Variants in C11orf65 observed in about 807,000 individuals in gnomAD.
The protein encoded by C11orf65 is protein MFI.
A neutral mutation model predicts 35.3 loss-of-function variants in C11orf65; 38 were observed. That is an observed-to-expected ratio of 1.08 (90% CI 0.83 to 1.41). C11orf65 has a LOEUF of 1.41. Ranked by LOEUF, C11orf65 falls within the 40% of genes most tolerant of loss-of-function variation. C11orf65 has a pLI of 0.00. For missense variants in C11orf65, 370 were observed against 367.1 expected, an observed-to-expected ratio of 1.01 and a Z score of -0.06; for synonymous variants, 105 against 114.4, an observed-to-expected ratio of 0.92 and a Z score of 0.53.
intron 2 of C11orf65, among the ~76,000 whole-genome samples, chr11:108,460,454 C>T (rs2093460033): frequency 6.6e-6 from 1 of 152,148 alleles, no homozygotes; most frequent in Non-Finnish European, 1.5e-5. Flanking sequence ...ACGACATTAA[C>T]CCGGATATAG....
chr11:108,429,216 A>G (rs1006226607), intron 3 of C11orf65, among the ~76,000 whole-genome samples: 2 of 152,188 alleles, frequency 1.3e-5, no homozygotes, highest in African/African-American at 4.8e-5. Context: ...ATATTGATAA[A>G]TTGAACTACA....
intron 2 of C11orf65, among the ~76,000 whole-genome samples, chr11:108,457,900 A>G (rs1191092576): frequency 6.6e-6 from 1 of 152,104 alleles, no homozygotes; most frequent in Non-Finnish European, 1.5e-5. Flanking sequence ...ACTTGACTGT[A>G]TCTAGAATCA....
intron 1 of C11orf65, among the ~76,000 whole-genome samples, chr11:108,467,061 G>A (rs1287563109): frequency 6.6e-6 from 1 of 152,174 alleles, no homozygotes; most frequent in African/African-American, 2.4e-5. Flanking sequence ...ACAAATGGGA[G>A]GGGGCAAAGG....
At chr11:108,322,638 C>A (rs1565513758) in intron 6 of C11orf65, among the ~76,000 whole-genome samples, 2 of 152,108 alleles carry the variant, frequency 1.3e-5, no homozygotes, top group East Asian at 1.9e-4. Context: ...GATCTAAATT[C>A]TTTCCTTTTA....
At position 108,442,477 on chromosome 11, in the gene C11orf65, C is replaced by T. The variant is rs559591869; in HGVS notation, c.82-10639G>A. ...TCAAATTCAGGAAATACAGAGAATGCCACAAAGATACTCCTCGAGAAGAGC... is the reference window on the plus strand; with the variant it reads ...TCAAATTCAGGAAATACAGAGAATGTCACAAAGATACTCCTCGAGAAGAGC... On this transcript the variant is annotated intron_variant, in intron 2 of 8. Coordinates refer to ENST00000393084, the MANE Select transcript of C11orf65 (RefSeq NM_152587.5). Among the ~76,000 whole-genome samples the T allele has an allele frequency of 2.0e-5, 3 of 152,104 alleles. 1 individual carries two copies. The highest frequency in any genetic ancestry group is 2.0e-4 in the Admixed American group (3 of 15,252).
rs913977745 is a variant in C11orf65, at chr11:108,347,820, A to G, written c.227-12528T>C. Among the ~76,000 whole-genome samples the G allele has an allele frequency of 2.0e-5, 3 of 152,282 alleles. No homozygotes were observed. In the East Asian group the frequency reaches 5.8e-4, roughly 29 times the overall value. Reference sequence around the variant, plus strand: ...TAAGGAGTTTCAACTTCATTGCATTAAACTATAGGAAATAAATGAAGGACA... The same window carrying G: ...TAAGGAGTTTCAACTTCATTGCATTGAACTATAGGAAATAAATGAAGGACA... On this transcript the variant is annotated intron_variant, in intron 2 of 3. Coordinates refer to the C11orf65 transcript ENST00000524755.
chr11:108,405,673 A>C (rs990990999), intron 5 of C11orf65, 114 bp from the exon 6 acceptor site: 22 of 1,040,238 alleles, frequency 2.1e-5, no homozygotes, highest in Middle Eastern at 5.5e-4. Context: ...ATAGAAACAG[A>C]GGAGAGGATA....
chr11:108,373,753 G>A (rs567743909), intron 2 of C11orf65, among the ~76,000 whole-genome samples: 1 of 152,228 alleles, frequency 6.6e-6, no homozygotes, highest in Non-Finnish European at 1.5e-5. Flanking sequence ...CAAGGGGTCC[G>A]GGAGTTCCCT....
chr11:108,408,992 A>G (rs999246571), intron 3 of C11orf65, among the ~76,000 whole-genome samples: 2 of 152,108 alleles, frequency 1.3e-5, no homozygotes, highest in African/African-American at 4.8e-5. Flanking sequence ...GTTATAAAAC[A>G]TATTTTCTAT....
At chr11:108,326,043 T>C in intron 6 of C11orf65, 2 of 1,613,154 alleles carry the variant, frequency 1.2e-6, no homozygotes, top group Non-Finnish European at 1.7e-6. Context: ...TTCCCATATG[T>C]CATTTTCATT....
In C11orf65 at chr11:108,335,939, A is replaced by G. The variant is rs779145081; in HGVS notation, c.227-647T>C. On this transcript the variant is annotated intron_variant, in intron 2 of 3. Transcript: ENST00000524755. ...AGAAACACGGAAACTAGGAAGAGGA[A>G]ATTAACTATCTGTACTTATAAGGTA... 12 of 1,612,064 alleles carry G rather than the reference A, an allele frequency of 7.4e-6. No individual in the cohort carries two copies. The highest frequency in any genetic ancestry group is 1.0e-5 in the Non-Finnish European group (12 of 1,178,306).
chr11:108,387,315 C>T (rs892170050), intron 7 of C11orf65, among the ~76,000 whole-genome samples: 4 of 151,020 alleles, frequency 2.6e-5, no homozygotes, highest in South Asian at 2.1e-4. Flanking sequence ...CCACCACGCC[C>T]GGCTAATTTT....
At position 108,356,542 on chromosome 11, in the gene C11orf65, A is replaced by T. The variant is rs868062962; in HGVS notation, c.227-21250T>A. 4.6e-3 allele frequency among the ~76,000 whole-genome samples: 631 copies of T among 135,890 alleles called. 6 individuals are homozygous for T. Among genetic ancestry groups the T allele is most frequent in the African/African-American group, 0.017 (581 of 33,560 alleles). The allele number at this position is 135,890 out of a possible 152,430, so 89.1% of individuals were successfully genotyped here. ...CAAGAGCAAGACTCTGTCTGTCTTA[A>T]AAAAAAAAAAAAAAAAAAGCCCAAA... On this transcript the variant is annotated intron_variant, in intron 2 of 3. Transcript: ENST00000524755.
At chr11:108,432,139 A>C (rs1357700353) in intron 2 of C11orf65, among the ~76,000 whole-genome samples, 1 of 152,212 alleles carries the variant, frequency 6.6e-6, no homozygotes, top group Non-Finnish European at 1.5e-5. Context: ...CTAGAAAAAA[A>C]CCAAAATACA....
chr11:108,374,714 A>C (rs1206652726), intron 2 of C11orf65, among the ~76,000 whole-genome samples: 1 of 152,192 alleles, frequency 6.6e-6, no homozygotes, highest in African/African-American at 2.4e-5. Context: ...ATTCAAACCA[A>C]AGGCAAAGAA....
intron 2 of C11orf65, among the ~76,000 whole-genome samples, chr11:108,432,544 G>T (rs1239490866): frequency 2.0e-5 from 3 of 152,010 alleles, no homozygotes. Context: ...GTCCATCTTG[G>T]AAAATTATTT....
chr11:108,375,879 G>A (rs943184625), intron 2 of C11orf65, among the ~76,000 whole-genome samples: 3 of 152,056 alleles, frequency 2.0e-5, no homozygotes, highest in Non-Finnish European at 4.4e-5. Context: ...AAGATCAAAA[G>A]AAACAAAGAA....
At chr11:108,466,568 T>C (rs564799405) in intron 1 of C11orf65, among the ~76,000 whole-genome samples, 7 of 152,154 alleles carry the variant, frequency 4.6e-5, no homozygotes, top group Non-Finnish European at 1.0e-4. Flanking sequence ...GCGAGATGCC[T>C]TCTCAAAAAC....
At chr11:108,411,835 T>A (rs2092662894) in intron 3 of C11orf65, among the ~76,000 whole-genome samples, 1 of 151,808 alleles carries the variant, frequency 6.6e-6, no homozygotes, top group Non-Finnish European at 1.5e-5. Flanking sequence ...TCATCCAGGC[T>A]GGAGTGCAGT....
Sources: gnomAD v4.1 joint callset for allele counts (sites outside exome capture counted in the v4.1 genomes callset) on GRCh38, gnomAD v4.1.1 for gene constraint, MANE v1.5 for transcripts, NCBI Gene and HGNC (gene_info 2026-07-23, HGNC 2026-07-21) for gene names.